The following LRRC69 variants were observed in gnomAD, a reference collection of about 807,000 sequenced individuals.
LRRC69 encodes leucine rich repeat containing 69.
LRRC69 carries 42 observed loss-of-function variants against 37.8 expected under a neutral mutation model. The observed-to-expected ratio is 1.11, with a 90% confidence interval of 0.87 to 1.44. The LOEUF (loss-of-function observed/expected upper bound fraction) is 1.44, where lower values mean the gene tolerates loss of function less well. Ranked by LOEUF, LRRC69 falls within the 40% of genes most tolerant of loss-of-function variation. The probability of loss-of-function intolerance (pLI) is 0.00; values close to 1 mark genes in which losing one functional copy is unlikely to be tolerated. For missense variants in LRRC69, 357 were observed against 401.9 expected, an observed-to-expected ratio of 0.89 and a Z score of 0.96; for synonymous variants, 141 against 143.1, an observed-to-expected ratio of 0.99 and a Z score of 0.11.
chr8:91,135,787 G>A (rs1201946787), intron 5 of LRRC69, 48 bp downstream of exon 5: 1 of 1,089,760 alleles, frequency 9.2e-7, no homozygotes, highest in East Asian at 3.2e-5. Flanking sequence ...TTTTGTTTAT[G>A]CTATTGGGAA....
At chr8:91,131,645 A>C (rs1034004867) in intron 3 of LRRC69, among the ~76,000 whole-genome samples, 8 of 151,920 alleles carry the variant, frequency 5.3e-5, no homozygotes, top group Admixed American at 2.6e-4. Flanking sequence ...TGGAAATCTT[A>C]AACTTTTTAT....
Position 91,200,745 on chromosome 8 carries a change from T to C in LRRC69, c.886T>C (p.Phe296Leu), listed in dbSNP as rs781438562. ...AACATGTGCAATATGTGGACAGTAC[T>C]TTATAACCGTATGGCTGGAATGTGT... The change falls in exon 7 of 8, where the codon TTT becomes CTT. Residue 296 changes from phenylalanine to leucine, a missense_variant. By Grantham distance (22) the Phe-to-Leu change is conservative. Transcript: ENST00000448384. 18 of 1,533,508 alleles carry C rather than the reference T, an allele frequency of 1.2e-5. No individual in the cohort carries two copies. In the African/African-American group the frequency reaches 2.4e-4, roughly 20 times the overall value. 95.0% of individuals were successfully genotyped at this position (1,533,508 alleles called of 1,614,324 possible).
intron 1 of LRRC69, chr8:91,118,350 GCAAAAAAAAAAAAAAAAAAAAAAAA>G (rs1387787204): frequency 0.012 from 238 of 20,194 alleles, no homozygotes; most frequent in South Asian, 0.039. Context: ...TACTAAAAAT[GCAAAAAAAAAAAAAAAAAAAAAAAA>G]AAAAAAAAAA....
chr8:91,188,914 C>T (rs1809446708), intron 5 of LRRC69, among the ~76,000 whole-genome samples: 1 of 151,822 alleles, frequency 6.6e-6, no homozygotes, highest in Non-Finnish European at 1.5e-5. Context: ...CAACCTCCAC[C>T]TCTGGGTTCA....
At chr8:91,189,044 C>T (rs1313183555) in intron 5 of LRRC69, among the ~76,000 whole-genome samples, 1 of 152,108 alleles carries the variant, frequency 6.6e-6, no homozygotes, top group Non-Finnish European at 1.5e-5. Flanking sequence ...ATAATGTGAA[C>T]ATTTTGATGT....
chr8:91,152,247 A>G (rs1269317964), intron 5 of LRRC69, among the ~76,000 whole-genome samples: 5 of 151,524 alleles, frequency 3.3e-5, no homozygotes, highest in Admixed American at 3.3e-4. Flanking sequence ...GTTTTCTTCT[A>G]GGGTTTTTAT....
intron 1 of LRRC69, among the ~76,000 whole-genome samples, chr8:91,114,835 A>G (rs1320917753): frequency 6.6e-6 from 1 of 152,038 alleles, no homozygotes; most frequent in Non-Finnish European, 1.5e-5. Context: ...AAAGTGACAC[A>G]TGACTGTATA....
chr8:91,144,975 C>T (rs538643652), intron 5 of LRRC69, among the ~76,000 whole-genome samples: 2 of 152,034 alleles, frequency 1.3e-5, no homozygotes, highest in South Asian at 4.1e-4. Context: ...AATATGTGCA[C>T]ATACAGACAA....
chr8:91,158,975 G>C (rs1808888179), intron 5 of LRRC69, among the ~76,000 whole-genome samples: 1 of 150,986 alleles, frequency 6.6e-6, no homozygotes, highest in Non-Finnish European at 1.5e-5. Context: ...TTGTACACTA[G>C]GTAATAAAAT....
chr8:91,181,839 G>A (rs1170811292), intron 5 of LRRC69, among the ~76,000 whole-genome samples: 1 of 152,128 alleles, frequency 6.6e-6, no homozygotes, highest in African/African-American at 2.4e-5. Context: ...TAAAGTTCAA[G>A]GGATGTAACT....
At chr8:91,191,810 A>T (rs1004319185) in intron 6 of LRRC69, among the ~76,000 whole-genome samples, 2 of 152,164 alleles carry the variant, frequency 1.3e-5, no homozygotes, top group Non-Finnish European at 2.9e-5. Flanking sequence ...TAATTTTCAG[A>T]ACTGTTGGGT....
chr8:91,200,927 A>G, intron 7 of LRRC69, 135 bp downstream of exon 7: 1 of 726,830 alleles, frequency 1.4e-6, no homozygotes, highest in Non-Finnish European at 2.0e-6. Flanking sequence ...TTTTGGATAG[A>G]CAAATTTGGA....
chr8:91,158,370 A>G (rs1010078002), intron 5 of LRRC69: 5 of 1,431,222 alleles, frequency 3.5e-6, no homozygotes, highest in African/African-American at 1.4e-5. Flanking sequence ...TATTTAGATG[A>G]CAACATCAAA....
At chr8:91,109,294 C>T (rs1813371966) in intron 1 of LRRC69, among the ~76,000 whole-genome samples, 1 of 152,034 alleles carries the variant, frequency 6.6e-6, no homozygotes, top group South Asian at 2.1e-4. Context: ...CTTTCCTTCA[C>T]TAGTGATGTG....
rs906542901 is a variant in LRRC69 at position 91,137,781 on chromosome 8, A to G, written c.651+2042A>G. On this transcript the variant is annotated intron_variant, in intron 5 of 7. Coordinates refer to ENST00000448384, the Ensembl canonical transcript of LRRC69. Reference sequence around the variant, plus strand: ...TTTTGGTTCAACTGATTCAAAATCAAAGTTTCCCACATTAAAAATATGGCA... The same window carrying G: ...TTTTGGTTCAACTGATTCAAAATCAGAGTTTCCCACATTAAAAATATGGCA... 3.3e-5 allele frequency among the ~76,000 whole-genome samples: 5 copies of G among 152,138 alleles called. No individual in the cohort carries two copies. The South Asian group carries it at 6.2e-4, about 19-fold the overall frequency.
chr8:91,181,101 T>A (rs1809317071), intron 5 of LRRC69, among the ~76,000 whole-genome samples: 1 of 152,152 alleles, frequency 6.6e-6, no homozygotes, highest in African/African-American at 2.4e-5. Context: ...TTTGAGACAT[T>A]TTTATGGTGA....
Position 91,127,072 on chromosome 8 carries a change from A to G in LRRC69, c.311-16A>G. The G allele has an allele frequency of 6.5e-7, 1 of 1,537,950 alleles. No homozygotes were observed. Among genetic ancestry groups the G allele is most frequent in the Non-Finnish European group, 8.8e-7 (1 of 1,137,152 alleles). On this transcript the variant is annotated splice_polypyrimidine_tract_variant and intron_variant, in intron 2 of 7. Transcript: ENST00000448384. ...TCTAACAGATGGCTAAAGTGACTAA[A>G]ATTATTTTCTAACAGATGGCTTACA...
chr8:91,156,735 G>A (rs1808842412), intron 5 of LRRC69, among the ~76,000 whole-genome samples: 1 of 150,930 alleles, frequency 6.6e-6, no homozygotes, highest in Non-Finnish European at 1.5e-5. Flanking sequence ...TTTTCTTGTA[G>A]CAATTCTATA....
rs1186300625 is a variant in LRRC69, at chr8:91,200,734, G to A, written c.875G>A (p.Cys292Tyr). ...TCTCAGGGAAAAACATGTGCAATAT[G>A]TGGACAGTACTTTATAACCGTATGG... is the stretch of plus-strand genomic sequence containing the variant. The change falls in exon 7 of 8, where the codon TGT becomes TAT. Residue 292 changes from cysteine (C) to tyrosine (Y), a missense_variant. Coordinates refer to ENST00000448384, the Ensembl canonical transcript of LRRC69. 1.3e-6 allele frequency: 2 copies of A among 1,539,454 alleles called. No homozygotes were observed. Among genetic ancestry groups the A allele is most frequent in the Admixed American group, 2.1e-5 (1 of 47,696 alleles).
Sources: allele counts gnomAD v4.1 joint callset (sites outside exome capture counted in the v4.1 genomes callset), GRCh38; gene constraint gnomAD v4.1.1; transcripts MANE v1.5; gene names NCBI Gene and HGNC (gene_info 2026-07-23, HGNC 2026-07-21).